AGBL4: variants seen among roughly 807,000 people sequenced by gnomAD.
AGBL4 encodes the protein AGBL carboxypeptidase 4.
Under a neutral mutation model 66.4 loss-of-function variants are expected in AGBL4, and 58 were observed. The ratio of observed to expected loss-of-function variants is 0.87; its 90% CI spans 0.71 to 1.09. AGBL4 has a LOEUF of 1.09. AGBL4 is among the 50% of genes least tolerant of loss of function. AGBL4 has a pLI of 0.00. For synonymous variants in AGBL4, 234 were observed against 222.9 expected (o/e 1.05, Z -0.44); for missense variants, 579 against 631.0 (o/e 0.92, Z 0.88).
In AGBL4 at chr1:48,632,982, T is replaced by G. The variant is rs375631707; in HGVS notation, c.951+1511A>C. Among the ~76,000 whole-genome samples, 5 of 152,288 alleles carry G rather than the reference T, an allele frequency of 3.3e-5. No homozygotes were observed. In the East Asian group the frequency reaches 7.7e-4, roughly 24 times the overall value. ...GAGAAGACAGTGGGGTTTCAAATCT[T>G]AGAGAAAGGCAGCAAACCACAATCA... On this transcript the variant is annotated intron_variant, in intron 9 of 13. Coordinates refer to ENST00000371839, the MANE Select transcript of AGBL4 (RefSeq NM_032785.4).
intron 3 of AGBL4, among the ~76,000 whole-genome samples, chr1:49,349,125 T>C (rs1645697975): frequency 6.6e-6 from 1 of 152,202 alleles, no homozygotes; most frequent in South Asian, 2.1e-4. Flanking sequence ...ATATCCTCTT[T>C]TGTATCTAAA....
chr1:49,717,649 A>T (rs1648257044), intron 2 of AGBL4, among the ~76,000 whole-genome samples: 1 of 152,064 alleles, frequency 6.6e-6, no homozygotes, highest in Non-Finnish European at 1.5e-5. Flanking sequence ...CTTATTTACT[A>T]TGACTATTGT....
intron 5 of AGBL4, among the ~76,000 whole-genome samples, chr1:48,986,565 T>C (rs982858713): frequency 2.0e-5 from 3 of 152,000 alleles, no homozygotes; most frequent in Non-Finnish European, 4.4e-5. Flanking sequence ...CTAGCAAGAA[T>C]TTCAAAACTA....
intron 3 of AGBL4, among the ~76,000 whole-genome samples, chr1:49,435,558 G>A (rs1645886519): frequency 6.6e-6 from 1 of 152,162 alleles, no homozygotes; most frequent in African/African-American, 2.4e-5. Flanking sequence ...ATACCAAGAA[G>A]AGAAACATGT....
At chr1:48,771,356 A>G (rs1644821275) in intron 6 of AGBL4, among the ~76,000 whole-genome samples, 2 of 152,300 alleles carry the variant, frequency 1.3e-5, no homozygotes, top group African/African-American at 4.8e-5. Flanking sequence ...AAAAATAAAA[A>G]CTGGTGTGCT....
intron 3 of AGBL4, among the ~76,000 whole-genome samples, chr1:49,623,124 A>G (rs1457090203): frequency 6.6e-6 from 1 of 152,152 alleles, no homozygotes; most frequent in Non-Finnish European, 1.5e-5. Context: ...AATAGATGCA[A>G]CATATACTTG....
At chr1:49,862,299 GAAGA>G (rs1646592526) in intron 1 of AGBL4, among the ~76,000 whole-genome samples, 1 of 149,446 alleles carries the variant, frequency 6.7e-6, no homozygotes, top group Non-Finnish European at 1.5e-5. Context: ...TGATCAAGCA[GAAGA>G]AAGAATTAGT....
chr1:48,656,166 G>C (rs529326432), intron 7 of AGBL4, among the ~76,000 whole-genome samples: 54 of 152,372 alleles, frequency 3.5e-4, no homozygotes, highest in South Asian at 1.7e-3. Flanking sequence ...AAGTGGTAGA[G>C]GATTTGAAAT....
chr1:49,367,314 A>G (rs1644258487), intron 3 of AGBL4, among the ~76,000 whole-genome samples: 1 of 152,100 alleles, frequency 6.6e-6, no homozygotes, highest in Admixed American at 6.6e-5. Flanking sequence ...TTATCATGCT[A>G]TTACTTCATG....
chr1:49,604,283 G>A (rs541273899), intron 3 of AGBL4, among the ~76,000 whole-genome samples: 1 of 152,140 alleles, frequency 6.6e-6, no homozygotes, highest in Admixed American at 6.5e-5. Flanking sequence ...CCAGGGTAAC[G>A]TGGTACCTCG....
intron 3 of AGBL4, among the ~76,000 whole-genome samples, chr1:49,523,933 T>C (rs985207275): frequency 6.6e-6 from 1 of 151,870 alleles, no homozygotes; most frequent in Non-Finnish European, 1.5e-5. Flanking sequence ...GGTCCAGGGT[T>C]CAGACAATGA....
chr1:49,629,601 TAAC>T (rs2124348649), intron 3 of AGBL4, among the ~76,000 whole-genome samples: 1 of 152,312 alleles, frequency 6.6e-6, no homozygotes, highest in South Asian at 2.1e-4. Flanking sequence ...ACCTCCGCTC[TAAC>T]AGAGGCTCCA....
chr1:48,845,269 C>A (rs1410911104), intron 6 of AGBL4, among the ~76,000 whole-genome samples: 1 of 152,176 alleles, frequency 6.6e-6, no homozygotes, highest in East Asian at 1.9e-4. Context: ...GCTTCCATGG[C>A]TCTAATCGGA....
At chr1:49,784,576 A>T (rs1256781079) in intron 2 of AGBL4, among the ~76,000 whole-genome samples, 1 of 152,084 alleles carries the variant, frequency 6.6e-6, no homozygotes, top group Admixed American at 6.6e-5. Context: ...GCAAGTCTTC[A>T]TGATCTCGGA....
At chr1:48,792,639 G>C (rs1282033522) in intron 6 of AGBL4, among the ~76,000 whole-genome samples, 1 of 152,184 alleles carries the variant, frequency 6.6e-6, no homozygotes, top group Non-Finnish European at 1.5e-5. Context: ...GCTGGGGAAG[G>C]TTTTCTAAAA....
intron 6 of AGBL4, among the ~76,000 whole-genome samples, chr1:48,745,012 T>C (rs1004230078): frequency 6.6e-5 from 10 of 152,240 alleles, no homozygotes; most frequent in African/African-American, 2.4e-4. Context: ...GGTCTCTACA[T>C]TGTGACTACT....
chr1:49,333,230 A>T (rs12408156), intron 3 of AGBL4, among the ~76,000 whole-genome samples: 2 of 151,984 alleles, frequency 1.3e-5, no homozygotes, highest in Non-Finnish European at 2.9e-5. Flanking sequence ...CTGTAATCCC[A>T]GTACTTTGGG....
intron 3 of AGBL4, among the ~76,000 whole-genome samples, chr1:49,494,846 C>A (rs1437098499): frequency 6.6e-6 from 1 of 151,988 alleles, no homozygotes; most frequent in Non-Finnish European, 1.5e-5. Context: ...TGAGGAATCG[C>A]CACACTGACT....
At chr1:49,078,859 A>T (rs1644758639) in intron 4 of AGBL4, among the ~76,000 whole-genome samples, 1 of 152,196 alleles carries the variant, frequency 6.6e-6, no homozygotes, top group Non-Finnish European at 1.5e-5. Flanking sequence ...CATAAGTCAG[A>T]TTCCCATCAC....
Sources: allele counts gnomAD v4.1 joint callset (sites outside exome capture counted in the v4.1 genomes callset), GRCh38; gene constraint gnomAD v4.1.1; transcripts MANE v1.5; gene names NCBI Gene and HGNC (gene_info 2026-07-23, HGNC 2026-07-21).